PTPN14: variants seen among roughly 807,000 people sequenced by gnomAD.
The protein encoded by PTPN14 is protein tyrosine phosphatase non-receptor type 14, also known as tyrosine-protein phosphatase non-receptor type 14.
In PTPN14, 53 loss-of-function variants were observed where a neutral mutation model predicts 126.8. The observed-to-expected ratio is 0.42, with a 90% CI of 0.34 to 0.53. PTPN14 has a LOEUF of 0.53. Ranked by LOEUF, PTPN14 falls within the 20% of genes least tolerant of loss-of-function variation. The probability of loss-of-function intolerance (pLI) is 0.08; values close to 1 mark genes in which losing one functional copy is unlikely to be tolerated. For missense variants in PTPN14, 1,257 were observed against 1,552.9 expected (o/e 0.81, Z 3.20); for synonymous variants, 630 against 599.3 (o/e 1.05, Z -0.75).
intron 2 of PTPN14, among the ~76,000 whole-genome samples, chr1:214,464,184 T>G (rs1390504253): frequency 1.8e-4 from 1 of 5,552 alleles, no homozygotes; most frequent in East Asian, 4.1e-3. Context: ...CGGTGGGGTT[T>G]TTTTTTTTTT....
At position 214,357,911 on chromosome 1, in the gene PTPN14, G is replaced by C. The variant is rs1423356601; in HGVS notation, c.*11C>G. The C allele has an allele frequency of 3.7e-6, 6 of 1,611,122 alleles. No homozygotes were observed. Reference sequence around the variant, plus strand: ...AGCTGGGTCCCTCCTCCAGGAGCTGGATTGGGGTGATTAAATGAGTCTGGA... The same window carrying C: ...AGCTGGGTCCCTCCTCCAGGAGCTGCATTGGGGTGATTAAATGAGTCTGGA... On this transcript the variant is annotated 3_prime_UTR_variant, in exon 19 of 19. Transcript: ENST00000366956.
At chr1:214,378,160 G>A (rs1558075533) in intron 13 of PTPN14, 58 bp from the exon 14 acceptor site, 2 of 1,535,122 alleles carry the variant, frequency 1.3e-6, no homozygotes, top group Admixed American at 3.8e-5. Flanking sequence ...ATGTTGGAAT[G>A]TGTTTTAATC....
chr1:214,417,745 A>G (rs369411911), intron 3 of PTPN14, among the ~76,000 whole-genome samples: 5 of 152,142 alleles, frequency 3.3e-5, no homozygotes, highest in African/African-American at 1.2e-4. Flanking sequence ...CATGGGCTGT[A>G]TTACCACAGA....
At chr1:214,542,726 C>T (rs570384388) in intron 1 of PTPN14, among the ~76,000 whole-genome samples, 7 of 152,254 alleles carry the variant, frequency 4.6e-5, no homozygotes, top group Middle Eastern at 3.4e-3. Flanking sequence ...AACAGCACAA[C>T]ATTAGGTGGA....
rs1571951497 is a variant in PTPN14, at chr1:214,364,657, T to C, written c.3290A>G (p.Gln1097Arg). ...QGFLSYLEEI[Q>R]SVRRHTNSML... Reference sequence around the variant, plus strand: ...GCTGTTGGTATGGCGACGGACCGACTGGATCTCCTCCAAGTAGGCTGCAGG... The same window carrying C: ...GCTGTTGGTATGGCGACGGACCGACCGGATCTCCTCCAAGTAGGCTGCAGG... Residue 1097 changes from glutamine (Q) to arginine (R), a missense_variant, in exon 18 of 19, where the codon CAG becomes CGG. By Grantham distance (43) the Gln-to-Arg change is conservative. Coordinates refer to ENST00000366956, the MANE Select transcript of PTPN14 (RefSeq NM_005401.5). The surrounding 1 kb of genome is among the most constrained non-coding windows in gnomAD (Gnocchi z 4.1). 1.2e-6 allele frequency: 2 copies of C among 1,613,648 alleles called. No homozygotes were observed. The highest frequency in any genetic ancestry group is 4.5e-5 in the East Asian group (2 of 44,822).
chr1:214,510,455 A>G (rs1465110353), intron 1 of PTPN14, among the ~76,000 whole-genome samples: 1 of 152,222 alleles, frequency 6.6e-6, no homozygotes, highest in Admixed American at 6.5e-5. Flanking sequence ...ACGCAATAAA[A>G]TGGTGTATGC....
chr1:214,544,738 G>A (rs57535424), intron 1 of PTPN14, among the ~76,000 whole-genome samples: 21,891 of 151,562 alleles, frequency 0.14, 1,795 homozygotes, highest in South Asian at 0.26. Context: ...AAGACAGAGC[G>A]AGACTCCATC....
chr1:214,432,263 C>T (rs1380388316), intron 3 of PTPN14, among the ~76,000 whole-genome samples: 1 of 151,744 alleles, frequency 6.6e-6, no homozygotes, highest in East Asian at 1.9e-4. Context: ...TTACTGATAT[C>T]CCTTGAGAGC....
intron 18 of PTPN14, among the ~76,000 whole-genome samples, chr1:214,363,294 CT>C: frequency 6.6e-6 from 1 of 152,312 alleles, no homozygotes; most frequent in East Asian, 1.9e-4. Context: ...TCAAAATTAT[CT>C]TTTCATGGGC....
At position 214,467,914 on chromosome 1, in the gene PTPN14, A is replaced by G. The variant is rs185633168; in HGVS notation, c.-154-2957T>C. 2.9e-4 allele frequency among the ~76,000 whole-genome samples: 44 copies of G among 152,312 alleles called. No homozygotes were observed. The East Asian group carries it at 8.1e-3, about 28-fold the overall frequency. On this transcript the variant is annotated intron_variant, in intron 1 of 18. Coordinates refer to ENST00000366956, the MANE Select transcript of PTPN14 (RefSeq NM_005401.5). ...TAAGAAAATTGGTCTGGTCCTTTTA[A>G]AAGTCAATGTCATGAAACAAAAATT...
chr1:214,523,307 G>A (rs749470202), intron 1 of PTPN14, among the ~76,000 whole-genome samples: 3 of 152,118 alleles, frequency 2.0e-5, no homozygotes, highest in African/African-American at 7.2e-5. Context: ...TGAACCCAGA[G>A]CAATCTGTCA....
intron 2 of PTPN14, among the ~76,000 whole-genome samples, chr1:214,462,727 A>G (rs1660540512): frequency 6.6e-6 from 1 of 152,190 alleles, no homozygotes. Context: ...GTTTATTTAA[A>G]GGCTGGACTC....
intron 2 of PTPN14, 97 bp downstream of exon 2, chr1:214,464,533 T>C (rs1377199275): frequency 2.0e-6 from 3 of 1,463,536 alleles, no homozygotes; most frequent in Non-Finnish European, 2.8e-6. Context: ...ACACAACAGA[T>C]GCCAAAAAAC....
intron 5 of PTPN14, among the ~76,000 whole-genome samples, chr1:214,403,661 C>T (rs1013360152): frequency 1.3e-5 from 2 of 152,220 alleles, no homozygotes; most frequent in Non-Finnish European, 2.9e-5. Flanking sequence ...ATTTACATCA[C>T]AGAAATAGGC....
At chr1:214,527,788 T>G (rs1212194637) in intron 1 of PTPN14, among the ~76,000 whole-genome samples, 1 of 152,224 alleles carries the variant, frequency 6.6e-6, no homozygotes, top group East Asian at 1.9e-4. Context: ...TAAGCTGAAC[T>G]TGCAGCCTAT....
At chr1:214,376,661 C>T (rs1202604261) in intron 14 of PTPN14, among the ~76,000 whole-genome samples, 1 of 152,168 alleles carries the variant, frequency 6.6e-6, no homozygotes, top group East Asian at 1.9e-4. Context: ...CAAGAACTAG[C>T]AAGAGTTGAA....
intron 17 of PTPN14, among the ~76,000 whole-genome samples, chr1:214,368,679 G>A (rs546877654): frequency 2.0e-5 from 3 of 152,178 alleles, no homozygotes; most frequent in Admixed American, 6.5e-5. Context: ...CAGAAATGTT[G>A]CACCCATCAA....
At chr1:214,465,960 T>TTTTTTTTTTTTTTTTTTTTTTTTTG in intron 1 of PTPN14, among the ~76,000 whole-genome samples, 1 of 113,562 alleles carries the variant, frequency 8.8e-6, no homozygotes, top group Non-Finnish European at 1.8e-5. Context: ...CCTTTTTTTT[T>TTTTTTTTTTTTTTTTTTTTTTTTTG]TTTTTTTTTT....
chr1:214,413,455 T>G (rs1005544129), intron 4 of PTPN14, among the ~76,000 whole-genome samples: 1 of 152,196 alleles, frequency 6.6e-6, no homozygotes, highest in Non-Finnish European at 1.5e-5. Context: ...AAGGGCTGCC[T>G]CTTCAGACAC....
Sources: gnomAD v4.1 joint callset for allele counts (sites outside exome capture counted in the v4.1 genomes callset) on GRCh38, gnomAD v4.1.1 for gene constraint, Gnocchi (gnomAD v3.1) non-coding constraint, MANE v1.5 for transcripts, NCBI Gene and HGNC (gene_info 2026-07-23, HGNC 2026-07-21) for gene names.